The following KNTC1 variants were observed in gnomAD, a reference collection of about 807,000 sequenced individuals.
KNTC1 encodes kinetochore-associated protein 1.
KNTC1 carries 253 observed loss-of-function variants against 314.4 expected under a neutral mutation model. That is an observed-to-expected ratio of 0.80 (90% CI 0.73 to 0.89). The LOEUF (loss-of-function observed/expected upper bound fraction) is 0.89, where lower values mean the gene tolerates loss of function less well. Among genes scored for constraint, KNTC1 ranks in the 40% least tolerant of loss-of-function variants. The pLI is 0.00. For missense variants in KNTC1, 2,475 were observed against 2,572.9 expected, an observed-to-expected ratio of 0.96 and a Z score of 0.82; for synonymous variants, 901 against 901.4, an observed-to-expected ratio of 1.00 and a Z score of 0.01.
intron 16 of KNTC1, among the ~76,000 whole-genome samples, chr12:122,554,076 A>AAATATATAT (rs370146333): frequency 7.3e-5 from 8 of 109,064 alleles, no homozygotes; most frequent in Non-Finnish European, 1.1e-4. Context: ...AAAAAAAAAA[A>AAATATATAT]ATATATATAT....
chr12:122,613,650 T>C lies in KNTC1; in HGVS notation c.5766T>C (p.Phe1922=). ...EVKSYLRCIT[F]LASFETLNIP... Reference sequence around the variant, plus strand: ...GATCTTATTTGAGATGTATAACTTTTCTGGCATCATTTGAGACTTTGAATA... The same window carrying C: ...GATCTTATTTGAGATGTATAACTTTCCTGGCATCATTTGAGACTTTGAATA... Residue 1922 remains phenylalanine, a synonymous_variant, in exon 55 of 64, where the codon TTT becomes TTC. Coordinates refer to ENST00000333479, the MANE Select transcript of KNTC1 (RefSeq NM_014708.6). 2 of 1,610,384 alleles carry C rather than the reference T, an allele frequency of 1.2e-6. No homozygotes were observed. Among genetic ancestry groups the C allele is most frequent in the Non-Finnish European group, 8.5e-7 (1 of 1,178,768 alleles).
At chr12:122,609,338 CAT>C (rs1872866198) in intron 51 of KNTC1, 44 bp from the exon 52 acceptor site, 5 of 1,168,416 alleles carry the variant, frequency 4.3e-6, no homozygotes, top group Non-Finnish European at 6.2e-6. Flanking sequence ...TTTGTTTAGT[CAT>C]AAACTTTTTC....
At chr12:122,564,413 A>C (rs1191970033) in intron 20 of KNTC1, among the ~76,000 whole-genome samples, 1 of 152,210 alleles carries the variant, frequency 6.6e-6, no homozygotes, top group Non-Finnish European at 1.5e-5. Context: ...TCGTATAAAA[A>C]TAATGACATT....
chr12:122,541,291 T>TGCCTG (rs745323270), intron 5 of KNTC1, among the ~76,000 whole-genome samples: 112 of 59,410 alleles, frequency 1.9e-3, no homozygotes, highest in African/African-American at 5.4e-3. Context: ...CTGCCTGCCT[T>TGCCTG]CCTTCCTTCC....
chr12:122,606,242 T>TTC (rs1483818428), intron 51 of KNTC1, among the ~76,000 whole-genome samples: 1 of 143,640 alleles, frequency 7.0e-6, no homozygotes. Context: ...TTTTTTTTTT[T>TTC]TTGGATACAG....
chr12:122,584,559 T>C (rs1038376840), intron 35 of KNTC1, 109 bp downstream of exon 35: 17 of 735,392 alleles, frequency 2.3e-5, no homozygotes, highest in Middle Eastern at 6.8e-4. Context: ...AGACTAGAGA[T>C]AGTATCTGCA....
intron 16 of KNTC1, among the ~76,000 whole-genome samples, chr12:122,556,270 G>A (rs1248123206): frequency 2.7e-5 from 4 of 150,284 alleles, no homozygotes; most frequent in Admixed American, 2.0e-4. Context: ...CACCTGCCTC[G>A]GCCTCCCAAA....
chr12:122,561,870 A>G lies in KNTC1; in HGVS notation c.1489-51A>G, dbSNP rs901542854. The G allele has an allele frequency of 4.2e-6, 6 of 1,434,444 alleles. No individual in the cohort carries two copies. In the African/African-American group the frequency reaches 7.2e-5, roughly 17 times the overall value. 88.9% of individuals were successfully genotyped at this position (1,434,444 alleles called of 1,614,324 possible). On this transcript the variant is annotated intron_variant, in intron 18 of 63. Coordinates refer to ENST00000333479, the MANE Select transcript of KNTC1 (RefSeq NM_014708.6). Reference sequence around the variant, plus strand: ...TTTCACAGAAAATCCATCATTTAGGAAATAAACAGTAGATATTCTTCTAAC... The same window carrying G: ...TTTCACAGAAAATCCATCATTTAGGGAATAAACAGTAGATATTCTTCTAAC...
At chr12:122,582,583 G>C in intron 33 of KNTC1, 122 bp from the exon 34 acceptor site, 1 of 877,208 alleles carries the variant, frequency 1.1e-6, no homozygotes, top group Non-Finnish European at 1.7e-6. Flanking sequence ...GAGAAGCCCA[G>C]ACATGTACCC....
chr12:122,604,745 C>T lies in KNTC1; in HGVS notation c.5175+108C>T, dbSNP rs1253334565. The T allele has an allele frequency of 1.3e-5, 16 of 1,220,458 alleles. No individual in the cohort carries two copies. In the East Asian group the frequency reaches 3.1e-4, roughly 24 times the overall value. 75.6% of individuals were successfully genotyped at this position (1,220,458 alleles called of 1,614,324 possible). ...GGTGCCTAAAATGGAGAAGGAAGAC[C>T]AAGGCTTTATGTAGATGCTTAGGAA... On this transcript the variant is annotated intron_variant, in intron 49 of 63. Coordinates refer to ENST00000333479, the MANE Select transcript of KNTC1 (RefSeq NM_014708.6).
chr12:122,562,377 A>G (rs1157210292), intron 19 of KNTC1, among the ~76,000 whole-genome samples: 1 of 152,018 alleles, frequency 6.6e-6, no homozygotes, highest in Non-Finnish European at 1.5e-5. Flanking sequence ...GAGTTCCTAC[A>G]ATTAATGTGT....
chr12:122,568,610 G>T (rs1435238958), intron 21 of KNTC1, among the ~76,000 whole-genome samples: 2 of 152,200 alleles, frequency 1.3e-5, no homozygotes, highest in African/African-American at 4.8e-5. Context: ...GCCGAGGCGG[G>T]CTGATCACTG....
chr12:122,617,411 G>A (rs1224363638), intron 57 of KNTC1: 3 of 450,426 alleles, frequency 6.7e-6, no homozygotes, highest in African/African-American at 4.0e-5. Context: ...GTATAGAGAT[G>A]GAGGTCTTGC....
intron 62 of KNTC1, among the ~76,000 whole-genome samples, chr12:122,623,702 T>C (rs1874682724): frequency 6.6e-6 from 1 of 152,174 alleles, no homozygotes; most frequent in Non-Finnish European, 1.5e-5. Flanking sequence ...AGGTCATTCT[T>C]GTGATACCCA....
intron 40 of KNTC1, 107 bp downstream of exon 40, chr12:122,588,923 C>A: frequency 1.7e-6 from 1 of 591,324 alleles, no homozygotes; most frequent in Non-Finnish European, 2.7e-6. Context: ...TAGTATTTTA[C>A]TATTCAAAAA....
Position 122,584,937 on chromosome 12 carries a change from G to T in KNTC1, c.3481G>T (p.Ala1161Ser), listed in dbSNP as rs754996062. ...AGAACTATGTAAACATACTTTAATG[G>T]CTGTAGAGCTTTCCAGACAATGCCA... is the stretch of plus-strand genomic sequence containing the variant. The part of the protein sequence containing the change: ...ALELCKHTLM[A>S]VELSRQCQMD... The change falls in exon 36 of 64, where the codon GCT becomes TCT. Residue 1161 changes from alanine (A) to serine (S), a missense_variant. Ala to Ser is a moderately conservative substitution (Grantham distance 99). Coordinates refer to ENST00000333479, the MANE Select transcript of KNTC1 (RefSeq NM_014708.6). The T allele has an allele frequency of 5.9e-5, 94 of 1,603,122 alleles. No homozygotes were observed. The highest frequency in any genetic ancestry group is 7.5e-5 in the Non-Finnish European group (88 of 1,170,590).
rs371992538 is a variant in KNTC1, at chr12:122,597,721, C to G, written c.4356-10C>G. 10 of 1,612,448 alleles carry G rather than the reference C, an allele frequency of 6.2e-6. No individual in the cohort carries two copies. The African/African-American group carries it at 9.3e-5, about 15-fold the overall frequency. On this transcript the variant is annotated splice_polypyrimidine_tract_variant and intron_variant, in intron 43 of 63. Transcript: ENST00000333479. ...TTGGGAGACTGGTGTGTATTGAATG[C>G]TTCTTTTAGCACATTTCAGTTGGAC...
In KNTC1 at chr12:122,618,516, T is replaced by C; in HGVS notation, c.6120T>C (p.Asp2040=). 4 of 1,612,392 alleles carry C rather than the reference T, an allele frequency of 2.5e-6. No individual in the cohort carries two copies. Among genetic ancestry groups the C allele is most frequent in the Non-Finnish European group, 3.4e-6 (4 of 1,179,714 alleles). The change falls in exon 59 of 64, where the codon GAT becomes GAC. Residue 2040 remains aspartate, a synonymous_variant. Coordinates refer to ENST00000333479, the MANE Select transcript of KNTC1 (RefSeq NM_014708.6). ...SCPLSPDQLS[D]CSESLIAVLE... The stretch of plus-strand genomic sequence containing the variant: ...CTTTAAGTCCTGATCAGCTGTCAGA[T>C]TGTTCTGAGAGTCTCATCGCTGTCC...
intron 19 of KNTC1, 121 bp from the exon 20 acceptor site, chr12:122,562,517 G>C: frequency 4.7e-6 from 3 of 639,836 alleles, no homozygotes; most frequent in Non-Finnish European, 8.6e-6. Flanking sequence ...TGGGAATTGA[G>C]TTGTGATGTG....
Sources: allele counts gnomAD v4.1 joint callset (sites outside exome capture counted in the v4.1 genomes callset), GRCh38; gene constraint gnomAD v4.1.1; transcripts MANE v1.5; gene names NCBI Gene and HGNC (gene_info 2026-07-23, HGNC 2026-07-21).